TNNI3K: variants seen among roughly 807,000 people sequenced by gnomAD.
TNNI3K encodes the protein TNNI3 interacting kinase.
A neutral mutation model predicts 114.5 loss-of-function variants in TNNI3K; 140 were observed. That is an observed-to-expected ratio of 1.22 (90% confidence interval 1.07 to 1.41). The LOEUF is 1.41. Among genes scored for constraint, TNNI3K ranks in the 40% most tolerant of loss-of-function variants. The pLI, the probability that TNNI3K is intolerant of heterozygous loss-of-function variation, is 0.00. For missense variants in TNNI3K, 1,125 were observed against 1,007.6 expected, an observed-to-expected ratio of 1.12 and a Z score of -1.58; for synonymous variants, 347 against 347.5, an observed-to-expected ratio of 1.00 and a Z score of 0.02.
chr1:74,509,706 G>T (rs1174694724), intron 23 of TNNI3K, among the ~76,000 whole-genome samples: 3 of 146,162 alleles, frequency 2.1e-5, no homozygotes, highest in Non-Finnish European at 4.5e-5. Context: ...ATTTTGAAAG[G>T]TACCTATGAA....
At position 74,342,985 on chromosome 1, in the gene TNNI3K, CTG is replaced by C; in HGVS notation, c.827+2_827+3del. On this transcript the variant is annotated splice_donor_variant and coding_sequence_variant, in exon 8 of 25. Transcript: ENST00000326637. LOFTEE classifies it high-confidence loss of function. ...TATCTATGGAGATACCCCCTTACAC[CTG>C]TGAGTATTATGTAGCATTCCATAGG... The C allele has an allele frequency of 6.2e-7, 1 of 1,613,812 alleles. No homozygotes were observed. The highest frequency in any genetic ancestry group is 1.1e-5 in the South Asian group (1 of 91,076).
At chr1:74,515,518 T>C (rs1646336979) in intron 23 of TNNI3K, among the ~76,000 whole-genome samples, 1 of 152,212 alleles carries the variant, frequency 6.6e-6, no homozygotes, top group South Asian at 2.1e-4. Flanking sequence ...GTTTCTCTGA[T>C]GGTTGCTGTT....
intron 23 of TNNI3K, among the ~76,000 whole-genome samples, chr1:74,531,479 G>T (rs1055194074): frequency 6.6e-6 from 1 of 152,166 alleles, no homozygotes; most frequent in African/African-American, 2.4e-5. Context: ...TAAGAGGAAA[G>T]GTGGGCTGCA....
chr1:74,367,995 T>G, intron 13 of TNNI3K, 31 bp downstream of exon 13: 3 of 1,524,314 alleles, frequency 2.0e-6, no homozygotes, highest in Non-Finnish European at 2.6e-6. Flanking sequence ...TTGTTATATT[T>G]AATTACTAAG....
chr1:74,341,498 G>C (rs1344011669), intron 7 of TNNI3K: 1 of 151,196 alleles, frequency 6.6e-6, no homozygotes, highest in African/African-American at 2.4e-5. Context: ...CTAATACATA[G>C]TGATCACTTG....
At chr1:74,425,496 G>A (rs1178372237) in intron 17 of TNNI3K, among the ~76,000 whole-genome samples, 1 of 152,056 alleles carries the variant, frequency 6.6e-6, no homozygotes, top group Non-Finnish European at 1.5e-5. Flanking sequence ...TCTAGGGAAA[G>A]TTACTGCTAA....
At chr1:74,455,429 A>G (rs1251760208) in intron 20 of TNNI3K, among the ~76,000 whole-genome samples, 1 of 152,192 alleles carries the variant, frequency 6.6e-6, no homozygotes, top group African/African-American at 2.4e-5. Context: ...TATAAATGTA[A>G]AACTGGAACC....
At chr1:74,333,385 C>A (rs1327291381) in intron 6 of TNNI3K, among the ~76,000 whole-genome samples, 1 of 152,178 alleles carries the variant, frequency 6.6e-6, no homozygotes, top group South Asian at 2.1e-4. Context: ...GGAAAAATCC[C>A]ATCATTTCCT....
chr1:74,408,151 T>C (rs555395850), intron 17 of TNNI3K, among the ~76,000 whole-genome samples: 93 of 152,338 alleles, frequency 6.1e-4, no homozygotes, highest in African/African-American at 2.2e-3. Context: ...AGCACCCTTA[T>C]GTCACATAAA....
chr1:74,361,093 A>G (rs1278716255), intron 11 of TNNI3K, among the ~76,000 whole-genome samples: 1 of 152,104 alleles, frequency 6.6e-6, no homozygotes, highest in Non-Finnish European at 1.5e-5. Context: ...TTGTCTCTGT[A>G]ACTATTTCTG....
chr1:74,355,976 C>T (rs1172266185), intron 11 of TNNI3K, among the ~76,000 whole-genome samples: 1 of 152,124 alleles, frequency 6.6e-6, no homozygotes, highest in African/African-American at 2.4e-5. Flanking sequence ...ATTGAACTCA[C>T]CCAGCACCCA....
chr1:74,255,885 C>A (rs1212039400), intron 4 of TNNI3K, among the ~76,000 whole-genome samples: 1 of 152,114 alleles, frequency 6.6e-6, no homozygotes, highest in Non-Finnish European at 1.5e-5. Context: ...AGTATGTTTT[C>A]TTTTCTATAT....
At chr1:74,507,903 C>T (rs1267780752) in intron 23 of TNNI3K, among the ~76,000 whole-genome samples, 2 of 152,190 alleles carry the variant, frequency 1.3e-5, no homozygotes, top group Admixed American at 1.3e-4. Flanking sequence ...ATTCAACAAA[C>T]ATTTGCAGAG....
chr1:74,264,862 C>G (rs963356577), intron 4 of TNNI3K, among the ~76,000 whole-genome samples: 1 of 151,906 alleles, frequency 6.6e-6, no homozygotes, highest in Admixed American at 6.6e-5. Context: ...TAAGCTTACA[C>G]CTGTAAGTAT....
chr1:74,515,055 C>G (rs183721458), intron 23 of TNNI3K, among the ~76,000 whole-genome samples: 1 of 152,310 alleles, frequency 6.6e-6, no homozygotes. Context: ...TCACCAGAAA[C>G]TAGGACATGG....
At chr1:74,516,437 G>A (rs1646349195) in intron 23 of TNNI3K, among the ~76,000 whole-genome samples, 1 of 152,192 alleles carries the variant, frequency 6.6e-6, no homozygotes, top group Non-Finnish European at 1.5e-5. Flanking sequence ...ACAATACAAG[G>A]CATGAGGTGT....
chr1:74,462,681 T>C (rs927230640), intron 20 of TNNI3K, among the ~76,000 whole-genome samples: 2 of 152,202 alleles, frequency 1.3e-5, no homozygotes, highest in Non-Finnish European at 2.9e-5. Flanking sequence ...TAAAAGTAGC[T>C]ACAAGCTTGG....
At chr1:74,447,452 C>T (rs1666755803) in intron 20 of TNNI3K, among the ~76,000 whole-genome samples, 1 of 144,584 alleles carries the variant, frequency 6.9e-6, no homozygotes, top group Non-Finnish European at 1.5e-5. Context: ...GGGCGAAGGA[C>T]ATGAACAGAC....
chr1:74,279,694 A>G (rs1213036033), intron 5 of TNNI3K, among the ~76,000 whole-genome samples: 1 of 152,186 alleles, frequency 6.6e-6, no homozygotes, highest in Admixed American at 6.5e-5. Context: ...AGTAACTATT[A>G]AAGTGGCATT....
Sources: gnomAD v4.1 joint callset for allele counts (sites outside exome capture counted in the v4.1 genomes callset) on GRCh38, gnomAD v4.1.1 for gene constraint, MANE v1.5 for transcripts, NCBI Gene and HGNC (gene_info 2026-07-23, HGNC 2026-07-21) for gene names.